The following PTPRM variants were observed in gnomAD, a reference collection of about 807,000 sequenced individuals.
The protein encoded by PTPRM is receptor-type tyrosine-protein phosphatase mu.
In PTPRM, 47 loss-of-function variants were observed where a neutral mutation model predicts 186.7. The observed-to-expected ratio is 0.25, with a 90% CI of 0.20 to 0.32. The LOEUF (loss-of-function observed/expected upper bound fraction) is 0.32. Ranked by LOEUF, PTPRM falls within the 10% of genes least tolerant of loss-of-function variation. PTPRM has a pLI of 1.00. For missense variants in PTPRM, 1,494 were observed against 1,865.0 expected (o/e 0.80, Z 3.66); for synonymous variants, 668 against 674.9 (o/e 0.99, Z 0.16).
chr18:7,591,558 A>G (rs1397183759), intron 1 of PTPRM, among the ~76,000 whole-genome samples: 5 of 152,236 alleles, frequency 3.3e-5, no homozygotes, highest in South Asian at 2.1e-4. Flanking sequence ...GCCATTAAAG[A>G]GAGAGAATAT....
intron 7 of PTPRM, among the ~76,000 whole-genome samples, chr18:8,022,202 C>A (rs1267206929): frequency 1.3e-5 from 2 of 152,090 alleles, no homozygotes; most frequent in Non-Finnish European, 2.9e-5. Flanking sequence ...GTCAGGGACA[C>A]TTTAAATAAA....
intron 5 of PTPRM, among the ~76,000 whole-genome samples, chr18:7,945,134 G>A (rs1001364343): frequency 3.3e-5 from 5 of 152,016 alleles, no homozygotes; most frequent in Admixed American, 1.3e-4. Flanking sequence ...CCCTCACCAT[G>A]TGATGCCCTA....
chr18:8,406,020 C>G lies in PTPRM; in HGVS notation c.4345-89C>G, dbSNP rs527533186. 8.8e-6 allele frequency: 10 copies of G among 1,137,526 alleles called. 1 individual carries two copies. In the Admixed American group the frequency reaches 1.5e-4, roughly 17 times the overall value. The allele number at this position is 1,137,526 out of a possible 1,614,324, so 70.5% of individuals were successfully genotyped here. On this transcript the variant is annotated intron_variant, in intron 32 of 32. Coordinates refer to ENST00000580170, the MANE Select transcript of PTPRM (RefSeq NM_001105244.2). ...TCAAATCCTCCCAGATTGATGTCTT[C>G]CCATTAAGACCCTACTCTATGGTAA...
chr18:7,688,800 T>A (rs181651829), intron 1 of PTPRM, among the ~76,000 whole-genome samples: 54 of 152,260 alleles, frequency 3.5e-4, no homozygotes, highest in African/African-American at 1.3e-3. Context: ...CTGTATTTGA[T>A]TTTGTCAGCC....
chr18:7,807,575 A>G (rs2145434185), intron 2 of PTPRM, among the ~76,000 whole-genome samples: 1 of 152,316 alleles, frequency 6.6e-6, no homozygotes, highest in African/African-American at 2.4e-5. Context: ...GGCAGCTAGA[A>G]AAGAAGGTGT....
intron 1 of PTPRM, among the ~76,000 whole-genome samples, chr18:7,597,911 G>T (rs1183697952): frequency 2.0e-5 from 3 of 152,106 alleles, no homozygotes; most frequent in Admixed American, 1.3e-4. Flanking sequence ...ACAATTCAGG[G>T]TCATCTGTCA....
intron 1 of PTPRM, among the ~76,000 whole-genome samples, chr18:7,693,604 C>T (rs764244136): frequency 5.9e-5 from 9 of 152,032 alleles, no homozygotes; most frequent in Non-Finnish European, 1.0e-4. Flanking sequence ...TGCTGTGTGG[C>T]GTGTATACAA....
intron 1 of PTPRM, among the ~76,000 whole-genome samples, chr18:7,616,133 T>C (rs1488173908): frequency 6.6e-6 from 1 of 152,106 alleles, no homozygotes; most frequent in African/African-American, 2.4e-5. Context: ...TTAAGGGACA[T>C]CAGGAAAGTC....
intron 1 of PTPRM, among the ~76,000 whole-genome samples, chr18:7,650,001 T>G (rs1190641080): frequency 6.6e-6 from 1 of 152,206 alleles, no homozygotes; most frequent in Non-Finnish European, 1.5e-5. Flanking sequence ...AACATAACTT[T>G]TATATGCACT....
At chr18:7,933,570 A>G (rs1457355124) in intron 5 of PTPRM, among the ~76,000 whole-genome samples, 1 of 152,216 alleles carries the variant, frequency 6.6e-6, no homozygotes, top group Non-Finnish European at 1.5e-5. Flanking sequence ...CTATACTGTT[A>G]AAAACACTGG....
intron 22 of PTPRM, among the ~76,000 whole-genome samples, chr18:8,325,686 T>G (rs915262558): frequency 1.3e-5 from 2 of 152,206 alleles, no homozygotes; most frequent in Admixed American, 1.3e-4. Context: ...TTTCTTTGGG[T>G]ATACAGCCAA....
At chr18:8,388,170 C>T (rs983192215) in intron 31 of PTPRM, among the ~76,000 whole-genome samples, 15 of 152,238 alleles carry the variant, frequency 9.9e-5, no homozygotes, top group African/African-American at 2.9e-4. Context: ...CAGCTGCAAT[C>T]GGCTTAATAG....
chr18:7,588,831 C>T (rs2037049841), intron 1 of PTPRM, among the ~76,000 whole-genome samples: 1 of 152,188 alleles, frequency 6.6e-6, no homozygotes, highest in South Asian at 2.1e-4. Context: ...AATTTTATAA[C>T]ACCTCACAGG....
At chr18:8,210,051 CCTA>C (rs544864193) in intron 14 of PTPRM, among the ~76,000 whole-genome samples, 448 of 142,488 alleles carry the variant, frequency 3.1e-3, no homozygotes, top group Non-Finnish European at 5.8e-3. Flanking sequence ...ATGCCTCATG[CCTA>C]TAATCCCAAC....
rs146276795 is a variant in PTPRM at position 8,056,256 on chromosome 18, A to G, written c.1133-13430A>G. Among the ~76,000 whole-genome samples the G allele has an allele frequency of 5.3e-5, 8 of 152,326 alleles. No individual in the cohort carries two copies. The East Asian group carries it at 1.3e-3, about 26-fold the overall frequency. On this transcript the variant is annotated intron_variant, in intron 7 of 32. Coordinates refer to ENST00000580170, the MANE Select transcript of PTPRM (RefSeq NM_001105244.2). Reference sequence around the variant, plus strand: ...TAAACCTTTGTCAAATACAGTTGCTATAGCCAAAGAAAGAAATAGTTCTAT... The same window carrying G: ...TAAACCTTTGTCAAATACAGTTGCTGTAGCCAAAGAAAGAAATAGTTCTAT...
intron 2 of PTPRM, among the ~76,000 whole-genome samples, chr18:7,865,359 C>T (rs528078579): frequency 1.2e-3 from 186 of 152,184 alleles, no homozygotes; most frequent in Non-Finnish European, 2.0e-3. Context: ...AGATACGTCC[C>T]ATTGATACCT....
chr18:7,952,125 T>C (rs947864545), intron 6 of PTPRM, among the ~76,000 whole-genome samples: 10 of 152,270 alleles, frequency 6.6e-5, no homozygotes, highest in African/African-American at 1.9e-4. Context: ...TACGTTTCTA[T>C]ATTTCATATG....
intron 6 of PTPRM, among the ~76,000 whole-genome samples, chr18:7,952,113 G>T (rs940163564): frequency 1.3e-5 from 2 of 151,976 alleles, no homozygotes; most frequent in Non-Finnish European, 2.9e-5. Context: ...ACCCTATTTA[G>T]TTACGTTTCT....
intron 11 of PTPRM, among the ~76,000 whole-genome samples, chr18:8,110,832 G>A (rs764812001): frequency 2.0e-5 from 3 of 152,188 alleles, no homozygotes; most frequent in Non-Finnish European, 4.4e-5. Context: ...GATGTGATAA[G>A]TGTGAATCTT....
Sources: gnomAD v4.1 joint callset for allele counts (sites outside exome capture counted in the v4.1 genomes callset) on GRCh38, gnomAD v4.1.1 for gene constraint, MANE v1.5 for transcripts, NCBI Gene and HGNC (gene_info 2026-07-23, HGNC 2026-07-21) for gene names.